HSD17B7: variants seen among roughly 807,000 people sequenced by gnomAD.
HSD17B7 encodes the protein hydroxysteroid 17-beta dehydrogenase 7, also known as 3-keto-steroid reductase/17-beta-hydroxysteroid dehydrogenase 7.
HSD17B7 carries 17 observed loss-of-function variants against 34.1 expected under a neutral mutation model. That is an observed-to-expected ratio of 0.50 (90% CI 0.34 to 0.75). The LOEUF is 0.75. Ranked by LOEUF, HSD17B7 falls within the 30% of genes least tolerant of loss-of-function variation. The pLI, the probability that HSD17B7 is intolerant of heterozygous loss-of-function variation, is 0.01. For missense variants in HSD17B7, 296 were observed against 406.6 expected, an observed-to-expected ratio of 0.73 and a Z score of 2.34; for synonymous variants, 122 against 154.6, an observed-to-expected ratio of 0.79 and a Z score of 1.56.
In HSD17B7 at chr1:162,792,695, G is replaced by C. The variant is rs751681236; in HGVS notation, c.72G>C (p.Ala24=). The change falls in exon 2 of 9, where the codon GCG becomes GCC. Residue 24 remains alanine (A), a synonymous_variant. Transcript: ENST00000254521. ...IGLALCKRLL[A]EDDELHLCLA... ...TGGCCCTCTGCAAGCGGCTGCTGGC[G>C]GAAGATGATGAGCTTCATCTGTGTT... The C allele has an allele frequency of 1.4e-5, 23 of 1,613,900 alleles. No individual in the cohort carries two copies. In the South Asian group the frequency reaches 2.4e-4, roughly 17 times the overall value.
At chr1:162,804,748 T>C (rs1558096140) in intron 7 of HSD17B7, among the ~76,000 whole-genome samples, 1 of 152,236 alleles carries the variant, frequency 6.6e-6, no homozygotes, top group Non-Finnish European at 1.5e-5. Context: ...TTTTCTTCCC[T>C]CTCTTAGAAG....
Position 162,792,713 on chromosome 1 carries a change from T to C in HSD17B7, c.90T>C (p.His30=), listed in dbSNP as rs1364239480. The change falls in exon 2 of 9, where the codon CAT becomes CAC. Residue 30 remains histidine, a synonymous_variant. Coordinates refer to ENST00000254521, the MANE Select transcript of HSD17B7 (RefSeq NM_016371.4). ...KRLLAEDDEL[H]LCLACRNMSK... Reference sequence around the variant, plus strand: ...TGCTGGCGGAAGATGATGAGCTTCATCTGTGTTTGGCGTGCAGGAACATGA... The same window carrying C: ...TGCTGGCGGAAGATGATGAGCTTCACCTGTGTTTGGCGTGCAGGAACATGA... 2 of 1,614,172 alleles carry C rather than the reference T, an allele frequency of 1.2e-6. No individual in the cohort carries two copies. The highest frequency in any genetic ancestry group is 4.5e-5 in the East Asian group (2 of 44,870).
At chr1:162,797,971 G>A (rs1648677189) in intron 4 of HSD17B7, 55 bp downstream of exon 4, 1 of 1,594,852 alleles carries the variant, frequency 6.3e-7, no homozygotes, top group African/African-American at 1.3e-5. Flanking sequence ...TTTCTGTAAA[G>A]CTCTGGGCAC....
At chr1:162,804,033 C>T (rs1648902359) in intron 6 of HSD17B7, among the ~76,000 whole-genome samples, 1 of 152,150 alleles carries the variant, frequency 6.6e-6, no homozygotes, top group Non-Finnish European at 1.5e-5. Flanking sequence ...AGTGTCTTTT[C>T]CTTAGGGCAG....
chr1:162,808,131 A>G (rs1649050826), intron 8 of HSD17B7, among the ~76,000 whole-genome samples: 1 of 152,042 alleles, frequency 6.6e-6, no homozygotes, highest in East Asian at 1.9e-4. Flanking sequence ...ATCCATCTCG[A>G]ATTAATTTTT....
chr1:162,799,493 C>T (rs140077177), intron 4 of HSD17B7: 5 of 331,556 alleles, frequency 1.5e-5, no homozygotes, highest in Non-Finnish European at 2.2e-5. Context: ...GTGCTTATTG[C>T]TGCTGAGATA....
At chr1:162,802,141 A>G (rs569214132) in intron 5 of HSD17B7, among the ~76,000 whole-genome samples, 1 of 152,354 alleles carries the variant, frequency 6.6e-6, no homozygotes, top group East Asian at 1.9e-4. Flanking sequence ...CTCAAGCTGT[A>G]GAGAAATACT....
intron 2 of HSD17B7, among the ~76,000 whole-genome samples, chr1:162,794,766 C>T (rs1648543237): frequency 6.6e-6 from 1 of 152,034 alleles, no homozygotes; most frequent in Non-Finnish European, 1.5e-5. Flanking sequence ...TTAATAATAT[C>T]CCATTCCGAT....
At chr1:162,807,953 CA>C (rs1440690142) in intron 8 of HSD17B7, among the ~76,000 whole-genome samples, 1 of 152,126 alleles carries the variant, frequency 6.6e-6, no homozygotes, top group Non-Finnish European at 1.5e-5. Context: ...TCTTGCTTTG[CA>C]GAAGCTCTTT....
At chr1:162,790,876 G>A (rs750445816) in intron 1 of HSD17B7, 41 bp downstream of exon 1, 16 of 1,598,888 alleles carry the variant, frequency 1.0e-5, no homozygotes, top group African/African-American at 1.3e-5. Context: ...CAGCGGATCA[G>A]GGGTCCGAGA....
At chr1:162,804,371 G>A (rs1196176417) in intron 7 of HSD17B7, 48 bp downstream of exon 7, 2 of 1,140,034 alleles carry the variant, frequency 1.8e-6, no homozygotes. Context: ...TAGCAGATGT[G>A]AATTACAGGT....
At chr1:162,806,429 C>A (rs1364374732) in intron 8 of HSD17B7, among the ~76,000 whole-genome samples, 1 of 152,144 alleles carries the variant, frequency 6.6e-6, no homozygotes, top group Non-Finnish European at 1.5e-5. Flanking sequence ...CTGTGGGATA[C>A]TAGTTTCCTG....
At chr1:162,806,505 C>T (rs1351107275) in intron 8 of HSD17B7, among the ~76,000 whole-genome samples, 8 of 152,228 alleles carry the variant, frequency 5.3e-5, no homozygotes, top group African/African-American at 1.9e-4. Flanking sequence ...TTACATTCCC[C>T]TCTTTCAGAG....
In HSD17B7 at chr1:162,804,302, A is replaced by G; in HGVS notation, c.783A>G (p.Pro261=). ...RFFANAFTLT[P]YNGTEALVWL... is the part of the protein sequence containing the mutation. ...TTGCAAATGCATTCACTTTGACACC[A>G]TATAATGGAACAGAAGCTCTGGTAT... The change falls in exon 7 of 9, where the codon CCA becomes CCG. Residue 261 remains proline, a synonymous_variant. Coordinates refer to ENST00000254521, the MANE Select transcript of HSD17B7 (RefSeq NM_016371.4). 2 of 1,606,096 alleles carry G rather than the reference A, an allele frequency of 1.2e-6. No homozygotes were observed. The highest frequency in any genetic ancestry group is 1.7e-6 in the Non-Finnish European group (2 of 1,175,710).
intron 2 of HSD17B7, among the ~76,000 whole-genome samples, chr1:162,793,497 G>A (rs1648490644): frequency 2.0e-5 from 3 of 151,874 alleles, no homozygotes; most frequent in African/African-American, 4.8e-5. Context: ...ATTATTTCAT[G>A]GAGACTAAGT....
chr1:162,793,385 T>C lies in HSD17B7; in HGVS notation c.239+523T>C, dbSNP rs145501036. Among the ~76,000 whole-genome samples the C allele has an allele frequency of 1.5e-3, 222 of 151,610 alleles. 6 individuals are homozygous for C. In the East Asian group the frequency reaches 0.035, roughly 24 times the overall value. ...ATCATAATTATTTCATGGAGACTAA[T>C]TTATGAGTACATCCTGATGTGTGAT... On this transcript the variant is annotated intron_variant, in intron 2 of 8. Transcript: ENST00000254521.
intron 5 of HSD17B7, chr1:162,802,793 T>G (rs1456008165): frequency 6.6e-6 from 1 of 152,244 alleles, no homozygotes; most frequent in Non-Finnish European, 1.5e-5. Flanking sequence ...ACCCTTTGTA[T>G]TAACATAAGC....
At chr1:162,807,513 G>A (rs181466941) in intron 8 of HSD17B7, among the ~76,000 whole-genome samples, 3,991 of 152,166 alleles carry the variant, frequency 0.026, 102 homozygotes, top group Non-Finnish European at 0.039. Flanking sequence ...TGGGTCAAAT[G>A]GTATTTCTAG....
rs573616018 is a variant in HSD17B7 at position 162,808,648 on chromosome 1, C to T, written c.903+3156C>T. Among the ~76,000 whole-genome samples the T allele has an allele frequency of 7.5e-3, 1,143 of 152,254 alleles. 12 individuals are homozygous for T. The highest frequency in any genetic ancestry group is 0.026 in the African/African-American group (1,095 of 41,534). ...TTGTGTCCTCTTTTATTTCATTGAG[C>T]AGTGGTTTGTAGTTCTCCTTGAAGA... On this transcript the variant is annotated intron_variant, in intron 8 of 8. Coordinates refer to ENST00000254521, the MANE Select transcript of HSD17B7 (RefSeq NM_016371.4).
Sources: allele counts gnomAD v4.1 joint callset (sites outside exome capture counted in the v4.1 genomes callset), GRCh38; gene constraint gnomAD v4.1.1; transcripts MANE v1.5; gene names NCBI Gene and HGNC (gene_info 2026-07-23, HGNC 2026-07-21).